CADM2: variants seen among roughly 807,000 people sequenced by gnomAD.
CADM2 encodes the protein cell adhesion molecule 2.
In CADM2, 12 loss-of-function variants were observed where a neutral mutation model predicts 49.8. The ratio of observed to expected loss-of-function variants is 0.24; its 90% CI spans 0.15 to 0.39. CADM2 has a LOEUF of 0.39. Ranked by LOEUF, CADM2 falls within the 10% of genes least tolerant of loss-of-function variation. The probability of loss-of-function intolerance (pLI) is 1.00; values close to 1 mark genes in which losing one functional copy is unlikely to be tolerated. For synonymous variants in CADM2, 214 were observed against 175.4 expected (o/e 1.22, Z -1.74); for missense variants, 378 against 492.3 (o/e 0.77, Z 2.20).
At chr3:85,102,811 A>G (rs2038062137) in intron 1 of CADM2, among the ~76,000 whole-genome samples, 1 of 152,124 alleles carries the variant, frequency 6.6e-6, no homozygotes, top group Non-Finnish European at 1.5e-5. Flanking sequence ...TTTGACAGCC[A>G]TTCCCTGTAC....
intron 8 of CADM2, among the ~76,000 whole-genome samples, chr3:86,016,286 A>T (rs2106960648): frequency 1.3e-5 from 2 of 152,232 alleles, no homozygotes; most frequent in South Asian, 4.1e-4. Context: ...GCAAACATCT[A>T]CCTATATCTT....
At chr3:85,619,717 T>C (rs1431138618) in intron 1 of CADM2, among the ~76,000 whole-genome samples, 1 of 152,192 alleles carries the variant, frequency 6.6e-6, no homozygotes, top group Non-Finnish European at 1.5e-5. Context: ...TGTTATTTTA[T>C]AATCAAGAGG....
chr3:85,346,954 T>A (rs1248358490), intron 1 of CADM2, among the ~76,000 whole-genome samples: 1 of 151,820 alleles, frequency 6.6e-6, no homozygotes, highest in East Asian at 1.9e-4. Flanking sequence ...ACAAGTAAAT[T>A]TTAGTGTTTT....
chr3:85,956,815 T>G (rs969265064), intron 7 of CADM2, among the ~76,000 whole-genome samples: 2 of 151,630 alleles, frequency 1.3e-5, no homozygotes, highest in Non-Finnish European at 3.0e-5. Flanking sequence ...ACAAAAAAGC[T>G]TATAAACAGA....
At chr3:85,720,625 A>G (rs2067466765) in intron 1 of CADM2, among the ~76,000 whole-genome samples, 1 of 152,192 alleles carries the variant, frequency 6.6e-6, no homozygotes, top group Non-Finnish European at 1.5e-5. Flanking sequence ...TTAAATTCTC[A>G]CTTTTTCAAG....
At chr3:85,422,641 G>C (rs571416554) in intron 1 of CADM2, among the ~76,000 whole-genome samples, 1 of 152,086 alleles carries the variant, frequency 6.6e-6, no homozygotes, top group African/African-American at 2.4e-5. Context: ...AAGTTTAATA[G>C]AATTGTTCAT....
intron 8 of CADM2, chr3:85,993,833 G>A (rs551800537): frequency 2.6e-5 from 4 of 151,146 alleles, no homozygotes; most frequent in Non-Finnish European, 5.9e-5. Flanking sequence ...TCTCAACATT[G>A]AGCTTAAAAT....
chr3:85,513,231 C>A (rs938110331), intron 1 of CADM2, among the ~76,000 whole-genome samples: 6 of 151,810 alleles, frequency 4.0e-5, no homozygotes, highest in Non-Finnish European at 5.9e-5. Flanking sequence ...AAAATTAGTT[C>A]TTTTTGGAAC....
intron 1 of CADM2, among the ~76,000 whole-genome samples, chr3:85,273,138 CTG>C (rs2106853508): frequency 6.6e-6 from 1 of 151,296 alleles, no homozygotes; most frequent in African/African-American, 2.4e-5. Context: ...GCGGCAGACT[CTG>C]TGGCAAGATC....
chr3:85,418,711 G>A (rs1307064019), intron 1 of CADM2, among the ~76,000 whole-genome samples: 1 of 152,024 alleles, frequency 6.6e-6, no homozygotes, highest in Non-Finnish European at 1.5e-5. Flanking sequence ...CATAAATAGA[G>A]TAACAAAATA....
chr3:84,990,121 A>G (rs1263809139), intron 1 of CADM2, among the ~76,000 whole-genome samples: 1 of 151,762 alleles, frequency 6.6e-6, no homozygotes, highest in Non-Finnish European at 1.5e-5. Context: ...ATGAAAGGGT[A>G]TGGATTTCAA....
intron 1 of CADM2, among the ~76,000 whole-genome samples, chr3:85,482,327 G>T (rs2039246925): frequency 1.3e-5 from 2 of 151,772 alleles, no homozygotes; most frequent in African/African-American, 4.8e-5. Context: ...TTTGGTGACA[G>T]TTGTATTTCT....
intron 1 of CADM2, among the ~76,000 whole-genome samples, chr3:85,464,456 G>A (rs1364113078): frequency 6.6e-6 from 1 of 152,072 alleles, no homozygotes; most frequent in South Asian, 2.1e-4. Flanking sequence ...TAAACTTCCT[G>A]AATATGACAT....
chr3:84,984,378 A>C (rs988015876), intron 1 of CADM2, among the ~76,000 whole-genome samples: 4 of 129,080 alleles, frequency 3.1e-5, no homozygotes, highest in Non-Finnish European at 7.1e-5. Flanking sequence ...AAAAAAAAAA[A>C]AAAAAAACAC....
intron 1 of CADM2, among the ~76,000 whole-genome samples, chr3:85,025,472 T>C (rs761057795): frequency 4.1e-4 from 62 of 152,312 alleles, no homozygotes; most frequent in Admixed American, 2.5e-3. Flanking sequence ...GGAAATATTA[T>C]CCATATTTAC....
At chr3:85,417,103 A>G (rs2035952541) in intron 1 of CADM2, among the ~76,000 whole-genome samples, 1 of 152,176 alleles carries the variant, frequency 6.6e-6, no homozygotes, top group Non-Finnish European at 1.5e-5. Flanking sequence ...CTTAAAAAAA[A>G]CTTTATAAAA....
intron 1 of CADM2, among the ~76,000 whole-genome samples, chr3:85,611,070 A>G (rs370812581): frequency 6.6e-6 from 1 of 151,984 alleles, no homozygotes; most frequent in African/African-American, 2.4e-5. Context: ...TGAAACTAAT[A>G]GAATACAAAG....
chr3:85,120,053 A>G (rs2101343), intron 1 of CADM2, among the ~76,000 whole-genome samples: 1 of 152,168 alleles, frequency 6.6e-6, no homozygotes, highest in African/African-American at 2.4e-5. Flanking sequence ...TCTCAAAAGA[A>G]GATGTATATG....
chr3:85,628,580 C>CACATATATATACATATATATACATATAT (rs57235186), intron 1 of CADM2, among the ~76,000 whole-genome samples: 6 of 142,682 alleles, frequency 4.2e-5, no homozygotes, highest in African/African-American at 1.6e-4. Context: ...TATATACACA[C>CACATATATATACATATATATACATATAT]ACATATATAT....
Sources: allele counts gnomAD v4.1 joint callset (sites outside exome capture counted in the v4.1 genomes callset), GRCh38; gene constraint gnomAD v4.1.1; transcripts MANE v1.5; gene names NCBI Gene and HGNC (gene_info 2026-07-23, HGNC 2026-07-21).